The following PIBF1 variants were observed in gnomAD, a reference collection of about 807,000 sequenced individuals.
PIBF1 encodes progesterone-induced-blocking factor 1.
In PIBF1, 90 loss-of-function variants were observed where a neutral mutation model predicts 112.5. That is an observed-to-expected ratio of 0.80 (90% CI 0.67 to 0.95). The LOEUF (loss-of-function observed/expected upper bound fraction) is 0.95. PIBF1 is among the 40% of genes least tolerant of loss of function. The pLI is 0.00. For missense variants in PIBF1, 915 were observed against 852.3 expected (o/e 1.07, Z -0.92); for synonymous variants, 301 against 288.6 (o/e 1.04, Z -0.44).
intron 16 of PIBF1, among the ~76,000 whole-genome samples, chr13:72,993,702 C>T (rs1231355004): frequency 7.2e-6 from 1 of 138,448 alleles, no homozygotes; most frequent in Non-Finnish European, 1.5e-5. Flanking sequence ...GCCAAGATCA[C>T]GGCATTGCAC....
rs2044018833 is a variant in PIBF1, at chr13:73,005,919, C to CTG, written c.2223+6925_2223+6926insGT. ...TTTGTGTTTAGAAGTTCTGGTTTCACTTTTTTTTTTTTTTTTTTGAAATGG... is the reference window on the plus strand; with the variant it reads ...TTTGTGTTTAGAAGTTCTGGTTTCACTGTTTTTTTTTTTTTTTTTTGAAATGG... On this transcript the variant is annotated intron_variant, in intron 17 of 17. Transcript: ENST00000326291. 3.8e-5 allele frequency among the ~76,000 whole-genome samples: 5 copies of CTG among 132,812 alleles called. 1 individual carries two copies. Among genetic ancestry groups the CTG allele is most frequent in the Non-Finnish European group, 7.8e-5 (5 of 63,770 alleles). 87.1% of individuals were successfully genotyped at this position (132,812 alleles called of 152,430 possible).
intron 13 of PIBF1, among the ~76,000 whole-genome samples, chr13:72,927,966 T>TATATACAC (rs1555316890): frequency 2.0e-5 from 2 of 99,424 alleles, no homozygotes; most frequent in East Asian, 5.1e-4. Context: ...TATACACATA[T>TATATACAC]ATATATATAT....
At chr13:72,928,958 G>C (rs1251712962) in intron 13 of PIBF1, among the ~76,000 whole-genome samples, 1 of 152,072 alleles carries the variant, frequency 6.6e-6, no homozygotes, top group South Asian at 2.1e-4. Flanking sequence ...GCATGTCTTT[G>C]TCTTCCATTT....
rs1262161229 is a variant in PIBF1 at position 72,795,486 on chromosome 13, T to C, written c.481T>C (p.Leu161=). The change falls in exon 4 of 18, where the codon TTG becomes CTG. Residue 161 remains leucine (L), a synonymous_variant. Transcript: ENST00000326291. ...TCGTCGAAACCTGCGTGACTTTGAG[T>C]TGACAGAAGAGCAATATATTAAATT... is the stretch of plus-strand genomic sequence containing the variant. ...DVRRNLRDFE[L]TEEQYIKLKA... is the part of the protein sequence containing the mutation. 1.2e-6 allele frequency: 2 copies of C among 1,609,908 alleles called. No homozygotes were observed. The highest frequency in any genetic ancestry group is 2.2e-5 in the East Asian group (1 of 44,782).
chr13:72,874,719 G>T (rs9543154), intron 10 of PIBF1, among the ~76,000 whole-genome samples: 111,975 of 152,140 alleles, frequency 0.74, 41,516 homozygotes, highest in South Asian at 0.8. Flanking sequence ...TAATTTTGTA[G>T]GTAAATTATG....
chr13:72,831,976 A>T (rs994108172), intron 8 of PIBF1, among the ~76,000 whole-genome samples: 35 of 149,010 alleles, frequency 2.3e-4, no homozygotes, highest in African/African-American at 8.2e-4. Flanking sequence ...TTCCTGCCGC[A>T]TTGATCCCTT....
rs1027608499 is a variant in PIBF1, at chr13:72,965,139, A to C, written c.1834-135A>C. On this transcript the variant is annotated intron_variant, in intron 14 of 17. Coordinates refer to ENST00000326291, the MANE Select transcript of PIBF1 (RefSeq NM_006346.4). ...TATTGATTCACTCTTAAAACCTTCAAATTTACACAGGAAAAGCTTTTCAGA... is the reference window on the plus strand; with the variant it reads ...TATTGATTCACTCTTAAAACCTTCACATTTACACAGGAAAAGCTTTTCAGA... 22 of 756,520 alleles carry C rather than the reference A, an allele frequency of 2.9e-5. No homozygotes were observed. The East Asian group carries it at 6.0e-4, about 21-fold the overall frequency. 46.9% of individuals were successfully genotyped at this position (756,520 alleles called of 1,614,324 possible). A position where few individuals can be genotyped will look rare whatever the true frequency, so the allele number is the denominator to read the frequency against.
At position 72,827,792 on chromosome 13, in the gene PIBF1, C is replaced by G. The variant is rs960490760; in HGVS notation, c.975C>G (p.Arg325=). The G allele has an allele frequency of 8.7e-6, 14 of 1,601,084 alleles. No individual in the cohort carries two copies. Among genetic ancestry groups the G allele is most frequent in the Non-Finnish European group, 1.2e-5 (14 of 1,173,884 alleles). Residue 325 remains arginine (R), a synonymous_variant, in exon 8 of 18, where the codon CGC becomes CGG. Coordinates refer to ENST00000326291, the MANE Select transcript of PIBF1 (RefSeq NM_006346.4). ...AAAAGGATAAAGAATATCTTAATCG[C>G]CAAAACATGGAGCTTAGTGTTCGCT... is the stretch of plus-strand genomic sequence containing the variant. ...LLQKDKEYLN[R]QNMELSVRCA...
chr13:72,966,283 A>G (rs1443004526), intron 15 of PIBF1, among the ~76,000 whole-genome samples: 1 of 152,202 alleles, frequency 6.6e-6, no homozygotes, highest in Non-Finnish European at 1.5e-5. Flanking sequence ...AATGAATCAC[A>G]GTAATTACCT....
intron 16 of PIBF1, among the ~76,000 whole-genome samples, chr13:72,995,957 A>G (rs2043643100): frequency 6.6e-6 from 1 of 151,204 alleles, no homozygotes; most frequent in Admixed American, 6.6e-5. Context: ...TCAAAAAAAA[A>G]AAGAAAAGAA....
At chr13:72,907,926 G>T (rs1379882992) in intron 11 of PIBF1, among the ~76,000 whole-genome samples, 1 of 152,126 alleles carries the variant, frequency 6.6e-6, no homozygotes, top group South Asian at 2.1e-4. Context: ...TATACAAAAT[G>T]ACTCCAATTT....
intron 15 of PIBF1, among the ~76,000 whole-genome samples, chr13:72,971,185 AGTGTGTGTGTGTGTGTGTGTAT>A (rs1003920197): frequency 3.3e-5 from 4 of 120,006 alleles, no homozygotes; most frequent in African/African-American, 1.0e-4. Context: ...ACAGAGAGTG[AGTGTGTGTGTGTGTGTGTGTAT>A]GTGTGTGTGT....
chr13:72,787,196 ATTTGTTT>A (rs2138338946), intron 2 of PIBF1, among the ~76,000 whole-genome samples: 1 of 152,236 alleles, frequency 6.6e-6, no homozygotes, highest in Admixed American at 6.5e-5. Flanking sequence ...TTTTTCACTT[ATTTGTTT>A]ATGTATAAAT....
chr13:72,816,382 C>T (rs148686870), intron 5 of PIBF1, among the ~76,000 whole-genome samples: 55 of 152,282 alleles, frequency 3.6e-4, no homozygotes, highest in African/African-American at 1.3e-3. Context: ...GTGGCTCACG[C>T]CTGTAATCCC....
chr13:72,842,693 A>C (rs1292863195), intron 9 of PIBF1, among the ~76,000 whole-genome samples: 1 of 152,184 alleles, frequency 6.6e-6, no homozygotes, highest in Non-Finnish European at 1.5e-5. Context: ...TGCTTAAGCA[A>C]ACAAACAAAC....
intron 13 of PIBF1, among the ~76,000 whole-genome samples, chr13:72,922,433 A>G (rs1246774103): frequency 1.3e-5 from 2 of 152,214 alleles, no homozygotes; most frequent in East Asian, 1.9e-4. Flanking sequence ...AATAGCAAAC[A>G]TGATTTTCTA....
At chr13:72,823,726 C>G (rs2036671383) in intron 6 of PIBF1, among the ~76,000 whole-genome samples, 1 of 152,088 alleles carries the variant, frequency 6.6e-6, no homozygotes, top group Admixed American at 6.6e-5. Flanking sequence ...CAGTTAAAAT[C>G]ATTAAATTAG....
intron 3 of PIBF1, among the ~76,000 whole-genome samples, chr13:72,793,906 A>G (rs1443927659): frequency 6.6e-6 from 1 of 152,230 alleles, no homozygotes; most frequent in African/African-American, 2.4e-5. Flanking sequence ...TTAGAAATCC[A>G]TGTGGAGGTA....
intron 5 of PIBF1, among the ~76,000 whole-genome samples, chr13:72,800,707 A>C (rs1391238397): frequency 1.3e-5 from 2 of 152,250 alleles, no homozygotes; most frequent in African/African-American, 4.8e-5. Context: ...AATCCCTGCC[A>C]TCATGGAGTT....
Sources: allele counts gnomAD v4.1 joint callset (sites outside exome capture counted in the v4.1 genomes callset), GRCh38; gene constraint gnomAD v4.1.1; transcripts MANE v1.5; gene names NCBI Gene and HGNC (gene_info 2026-07-23, HGNC 2026-07-21).